CDHR3: variants seen among roughly 807,000 people sequenced by gnomAD.
The protein encoded by CDHR3 is cadherin related family member 3.
A neutral mutation model predicts 86.6 loss-of-function variants in CDHR3; 79 were observed. The observed-to-expected ratio is 0.91, with a 90% confidence interval of 0.76 to 1.10. CDHR3 has a LOEUF of 1.10. Among genes scored for constraint, CDHR3 ranks in the 50% least tolerant of loss-of-function variants. CDHR3 has a pLI of 0.00. For synonymous variants in CDHR3, 421 were observed against 402.4 expected, an observed-to-expected ratio of 1.05 and a Z score of -0.55; for missense variants, 1,081 against 1,077.6, an observed-to-expected ratio of 1.00 and a Z score of -0.04.
At chr7:105,991,943 C>T (rs1831420543) in intron 4 of CDHR3, among the ~76,000 whole-genome samples, 1 of 152,196 alleles carries the variant, frequency 6.6e-6, no homozygotes, top group Non-Finnish European at 1.5e-5. Context: ...ACTCACATGG[C>T]TACAAAGTGA....
chr7:105,990,865 C>T (rs1394663600), intron 4 of CDHR3, among the ~76,000 whole-genome samples: 1 of 152,150 alleles, frequency 6.6e-6, no homozygotes. Context: ...ACTGGGCCAG[C>T]TCCCTCTCAC....
chr7:105,968,905 G>C (rs3890915), intron 1 of CDHR3, among the ~76,000 whole-genome samples: 1 of 151,002 alleles, frequency 6.6e-6, no homozygotes, highest in South Asian at 2.1e-4. Context: ...TGGCTAACAC[G>C]GTGAAACCCA....
chr7:106,029,044 A>G (rs919177469), intron 17 of CDHR3, among the ~76,000 whole-genome samples: 11 of 149,386 alleles, frequency 7.4e-5, no homozygotes, highest in Non-Finnish European at 5.9e-5. Flanking sequence ...GAGTAGCACA[A>G]TCTCGGCTCA....
Position 106,032,826 on chromosome 7 carries a change from T to C in CDHR3, c.*129T>C. 2.1e-6 allele frequency: 2 copies of C among 961,726 alleles called. No homozygotes were observed. Among genetic ancestry groups the C allele is most frequent in the Non-Finnish European group, 3.0e-6 (2 of 663,868 alleles). The allele number at this position is 961,726 out of a possible 1,614,324, so 59.6% of individuals were successfully genotyped here. ...GGATTCAGACATCCAGGGTCAAACA[T>C]GGGATGTTTGACAAATTTTTAAACA... On this transcript the variant is annotated 3_prime_UTR_variant, in exon 19 of 19. Coordinates refer to ENST00000317716, the MANE Select transcript of CDHR3 (RefSeq NM_152750.5).
intron 1 of CDHR3, among the ~76,000 whole-genome samples, chr7:105,973,531 G>C (rs1288445578): frequency 2.6e-5 from 4 of 152,104 alleles, no homozygotes; most frequent in African/African-American, 9.7e-5. Flanking sequence ...ACTCGTCTCT[G>C]CCTCCATTAT....
At chr7:106,010,052 C>CT (rs1834560459) in intron 8 of CDHR3, among the ~76,000 whole-genome samples, 1 of 152,148 alleles carries the variant, frequency 6.6e-6, no homozygotes. Flanking sequence ...CCAAGCAGCC[C>CT]TGGAGGGCCA....
chr7:105,989,216 A>G (rs2893626), intron 4 of CDHR3, among the ~76,000 whole-genome samples: 2 of 144,604 alleles, frequency 1.4e-5, no homozygotes, highest in Admixed American at 6.9e-5. Flanking sequence ...TTGGGTACCC[A>G]CCCCCCCACC....
chr7:105,989,067 C>T (rs566244442), intron 4 of CDHR3, among the ~76,000 whole-genome samples: 6 of 152,298 alleles, frequency 3.9e-5, no homozygotes, highest in African/African-American at 1.4e-4. Context: ...TTGGTTCCCC[C>T]TTCCTGGGCA....
In CDHR3 at chr7:106,028,566, A is replaced by G. The variant is rs568500027; in HGVS notation, c.2288A>G (p.Glu763Gly). 1 of 1,613,984 alleles carries G rather than the reference A, an allele frequency of 6.2e-7. No homozygotes were observed. Among genetic ancestry groups the G allele is most frequent in the Admixed American group, 1.7e-5 (1 of 60,024 alleles). ...LTKKGETKTA[E>G]RDVVVETIQM... The stretch of plus-strand genomic sequence containing the variant: ...TTCTCTGCAGAAACGAAGACTGCAG[A>G]GAGAGACGTCGTGGTGGTGAGTATG... The change falls in exon 17 of 19, where the codon GAG becomes GGG. Residue 763 changes from glutamate to glycine, a missense_variant. Transcript: ENST00000317716.
intron 8 of CDHR3, among the ~76,000 whole-genome samples, chr7:106,011,724 C>T (rs994847830): frequency 6.6e-6 from 1 of 152,198 alleles, no homozygotes; most frequent in Admixed American, 6.5e-5. Flanking sequence ...CATGAGAAAG[C>T]CCCTCAATGA....
At chr7:105,968,144 T>C (rs1454974221) in intron 1 of CDHR3, among the ~76,000 whole-genome samples, 2 of 152,194 alleles carry the variant, frequency 1.3e-5, no homozygotes, top group Non-Finnish European at 2.9e-5. Flanking sequence ...CCTTTCCTTC[T>C]GTGTCCTATA....
At chr7:105,992,674 A>G (rs138174530) in intron 4 of CDHR3, among the ~76,000 whole-genome samples, 112 of 152,356 alleles carry the variant, frequency 7.4e-4, no homozygotes, top group African/African-American at 2.6e-3. Context: ...AGGCTATAAA[A>G]TAAGACTTAA....
intron 8 of CDHR3, among the ~76,000 whole-genome samples, chr7:106,009,262 A>G (rs1834399762): frequency 1.3e-5 from 2 of 152,156 alleles, no homozygotes; most frequent in Admixed American, 1.3e-4. Context: ...AGGAAGGGCA[A>G]CGAAAGGGAC....
chr7:105,983,147 G>A (rs1830017093), intron 3 of CDHR3, among the ~76,000 whole-genome samples: 1 of 151,958 alleles, frequency 6.6e-6, no homozygotes, highest in Non-Finnish European at 1.5e-5. Flanking sequence ...CAATTATTTT[G>A]CTATCCATAT....
chr7:106,007,038 A>G (rs1033061973), intron 8 of CDHR3, among the ~76,000 whole-genome samples: 4 of 152,252 alleles, frequency 2.6e-5, no homozygotes, highest in Non-Finnish European at 4.4e-5. Flanking sequence ...CCGCAGGCTC[A>G]ACACCACATG....
At chr7:105,976,893 A>G (rs564566087) in intron 2 of CDHR3, among the ~76,000 whole-genome samples, 16 of 151,734 alleles carry the variant, frequency 1.1e-4, no homozygotes, top group Non-Finnish European at 2.4e-4. Context: ...CATCCTTAGC[A>G]TTTATGGTCT....
At chr7:106,023,848 C>T (rs2115893786) in intron 14 of CDHR3, among the ~76,000 whole-genome samples, 1 of 152,328 alleles carries the variant, frequency 6.6e-6, no homozygotes, top group East Asian at 1.9e-4. Flanking sequence ...CTGATTGTGA[C>T]ATCTCCAATC....
chr7:106,032,220 G>A (rs1038709551), intron 18 of CDHR3, among the ~76,000 whole-genome samples, 173 bp from the exon 19 acceptor site: 1 of 152,198 alleles, frequency 6.6e-6, no homozygotes, highest in Non-Finnish European at 1.5e-5. Flanking sequence ...GCAAGGGCAG[G>A]CTGGTGGAGA....
At chr7:106,002,151 G>A (rs368373499) in intron 7 of CDHR3, among the ~76,000 whole-genome samples, 1 of 152,158 alleles carries the variant, frequency 6.6e-6, no homozygotes, top group Admixed American at 6.5e-5. Context: ...TCACCTTTGT[G>A]GGGGATGGGT....
Sources: allele counts gnomAD v4.1 joint callset (sites outside exome capture counted in the v4.1 genomes callset), GRCh38; gene constraint gnomAD v4.1.1; transcripts MANE v1.5; gene names NCBI Gene and HGNC (gene_info 2026-07-23, HGNC 2026-07-21).